The following LDB3 variants were observed in gnomAD, a reference collection of about 807,000 sequenced individuals.
LDB3 encodes the protein LIM domain binding 3, also known as LIM domain-binding protein 3.
LDB3 carries 49 observed loss-of-function variants against 69.0 expected under a neutral mutation model. The ratio of observed to expected loss-of-function variants is 0.71; its 90% CI spans 0.56 to 0.90. LDB3 has a LOEUF of 0.90. Ranked by LOEUF, LDB3 falls within the 40% of genes least tolerant of loss-of-function variation. The pLI is 0.00. For missense variants in LDB3, 928 were observed against 974.1 expected (o/e 0.95, Z 0.63); for synonymous variants, 387 against 396.2 (o/e 0.98, Z 0.28).
intron 13 of LDB3, among the ~76,000 whole-genome samples, chr10:86,728,374 G>GT (rs1308404659): frequency 2.6e-5 from 4 of 152,144 alleles, no homozygotes; most frequent in Non-Finnish European, 4.4e-5. Context: ...AACAGCAAAA[G>GT]TCCAAGAGAG....
chr10:86,678,961 A>G (rs1564632516), intron 2 of LDB3, among the ~76,000 whole-genome samples: 1 of 152,212 alleles, frequency 6.6e-6, no homozygotes, highest in Non-Finnish European at 1.5e-5. Context: ...TTAATGGCTC[A>G]GAACAACAAA....
intron 9 of LDB3, among the ~76,000 whole-genome samples, chr10:86,714,698 G>A (rs928625153): frequency 6.6e-6 from 1 of 151,888 alleles, no homozygotes; most frequent in Admixed American, 6.6e-5. Context: ...TGGGACTACA[G>A]GCACCCGCCA....
intron 13 of LDB3, 148 bp downstream of exon 13, chr10:86,726,400 G>C (rs17106978): frequency 1.4e-6 from 1 of 698,292 alleles, no homozygotes; most frequent in Non-Finnish European, 2.6e-6. Flanking sequence ...ATGATGCCTC[G>C]ATACATCACA....
chr10:86,694,762 C>T (rs1033554894), intron 7 of LDB3, among the ~76,000 whole-genome samples: 1 of 152,196 alleles, frequency 6.6e-6, no homozygotes, highest in Non-Finnish European at 1.5e-5. Context: ...CTGGTCATGA[C>T]TGGGGCCCCA....
chr10:86,696,263 C>T (rs1003872462), intron 7 of LDB3, among the ~76,000 whole-genome samples: 1 of 152,224 alleles, frequency 6.6e-6, no homozygotes, highest in Non-Finnish European at 1.5e-5. Flanking sequence ...GGCCCTCCTG[C>T]CAATGGGTGC....
At chr10:86,726,036 T>G in intron 12 of LDB3, 101 bp from the exon 13 acceptor site, 1 of 756,950 alleles carries the variant, frequency 1.3e-6, no homozygotes, top group South Asian at 1.4e-5. Context: ...ACCAATTAGA[T>G]TTCACCCCCT....
At chr10:86,685,325 T>C (rs1034734396) in intron 5 of LDB3, among the ~76,000 whole-genome samples, 1 of 152,158 alleles carries the variant, frequency 6.6e-6, no homozygotes. Flanking sequence ...TCTCCACCCC[T>C]AGCTTCCACT....
intron 5 of LDB3, among the ~76,000 whole-genome samples, chr10:86,689,093 C>CTCAATGAGGAAG (rs1486050485): frequency 1.3e-5 from 2 of 152,138 alleles, no homozygotes; most frequent in Admixed American, 1.3e-4. Flanking sequence ...TGTTAATTTC[C>CTCAATGAGGAAG]GTGGTTCCTT....
chr10:86,725,510 C>G (rs1847222623), intron 12 of LDB3, among the ~76,000 whole-genome samples: 2 of 152,118 alleles, frequency 1.3e-5, no homozygotes, highest in African/African-American at 4.8e-5. Flanking sequence ...AAGATGTAGT[C>G]CCTGACATTG....
intron 5 of LDB3, among the ~76,000 whole-genome samples, chr10:86,686,217 C>T (rs944245654): frequency 1.3e-5 from 2 of 152,190 alleles, no homozygotes; most frequent in Admixed American, 1.3e-4. Flanking sequence ...AGCACATTCC[C>T]TGAAGCGTCT....
chr10:86,692,870 A>G (rs1192261883), intron 7 of LDB3, among the ~76,000 whole-genome samples: 4 of 152,068 alleles, frequency 2.6e-5, no homozygotes, highest in African/African-American at 4.8e-5. Context: ...GGCTGTTGAG[A>G]ATGAGGGCAA....
intron 8 of LDB3, among the ~76,000 whole-genome samples, chr10:86,708,046 T>A (rs938921211): frequency 1.3e-5 from 2 of 152,252 alleles, no homozygotes; most frequent in East Asian, 3.9e-4. Flanking sequence ...GCAGGCAGTC[T>A]AGCCTCATCC....
intron 13 of LDB3, among the ~76,000 whole-genome samples, chr10:86,729,460 A>ATGGGCAGTAATATAACTTTTG (rs2132510210): frequency 6.6e-6 from 1 of 152,038 alleles, no homozygotes; most frequent in East Asian, 1.9e-4. Flanking sequence ...TCAGGAGGGG[A>ATGGGCAGTAATATAACTTTTG]TGGGCAGTAA....
chr10:86,701,240 A>G (rs1846251804), intron 7 of LDB3, among the ~76,000 whole-genome samples: 1 of 152,154 alleles, frequency 6.6e-6, no homozygotes, highest in South Asian at 2.1e-4. Flanking sequence ...AGGACTTGCA[A>G]GGCCCAAGGG....
In LDB3 at chr10:86,679,485, C is replaced by G. The variant is rs772249948; in HGVS notation, c.212C>G (p.Ser71Cys). 7 of 1,614,124 alleles carry G rather than the reference C, an allele frequency of 4.3e-6. No individual in the cohort carries two copies. Among genetic ancestry groups the G allele is most frequent in the Non-Finnish European group, 5.9e-6 (7 of 1,180,038 alleles). Residue 71 changes from serine (S) to cysteine (C), a missense_variant, in exon 3 of 14, where the codon TCT becomes TGT. Ser to Cys is a moderately radical substitution (Grantham distance 112). Transcript: ENST00000361373. ...THLEAQNKIK[S>C]ASYNLSLTLQ... ...CTGGAAGCCCAGAACAAGATCAAGT[C>G]TGCCAGCTACAACTTGAGCCTCACC...
chr10:86,715,012 G>C (rs547500542), intron 9 of LDB3, among the ~76,000 whole-genome samples: 2 of 152,366 alleles, frequency 1.3e-5, no homozygotes, highest in Middle Eastern at 3.4e-3. Context: ...AGCTCTGAAG[G>C]GTGGGTCACC....
chr10:86,725,333 C>G (rs1449447913), intron 12 of LDB3, among the ~76,000 whole-genome samples: 1 of 152,138 alleles, frequency 6.6e-6, no homozygotes, highest in Non-Finnish European at 1.5e-5. Context: ...ATTTTCTCAT[C>G]CACAAAACAA....
chr10:86,696,981 G>T (rs1362294299), intron 7 of LDB3, among the ~76,000 whole-genome samples: 1 of 152,120 alleles, frequency 6.6e-6, no homozygotes, highest in Non-Finnish European at 1.5e-5. Flanking sequence ...TTAGCAGTGG[G>T]TCCCTTTTGT....
In LDB3 at chr10:86,681,438, C is replaced by T. The variant is rs1322226509; in HGVS notation, c.324C>T (p.Asp108=). The T allele has an allele frequency of 1.2e-6, 2 of 1,601,878 alleles. No individual in the cohort carries two copies. Among genetic ancestry groups the T allele is most frequent in the African/African-American group, 1.3e-5 (1 of 75,038 alleles). ...CTGCATGGCCTGCCCTGTGCCAGGA[C>T]CCCGCTCTGGACACGAACGGCAGCC... ...TPLPVIPHQK[D]PALDTNGSLV... The change falls in exon 5 of 14, where the codon GAC becomes GAT. Residue 108 remains aspartate, a splice_region_variant and synonymous_variant. Coordinates refer to ENST00000361373, the MANE Select transcript of LDB3 (RefSeq NM_007078.3).
Sources: allele counts gnomAD v4.1 joint callset (sites outside exome capture counted in the v4.1 genomes callset), GRCh38; gene constraint gnomAD v4.1.1; transcripts MANE v1.5; gene names NCBI Gene and HGNC (gene_info 2026-07-23, HGNC 2026-07-21).